Variants in XKR6 observed in about 807,000 individuals in gnomAD.
XKR6 encodes the protein XK-related protein 6.
In XKR6, 22 loss-of-function variants were observed where a neutral mutation model predicts 56.7. The ratio of observed to expected loss-of-function variants is 0.39; its 90% CI spans 0.28 to 0.55. The LOEUF (loss-of-function observed/expected upper bound fraction) is 0.55. Ranked by LOEUF, XKR6 falls within the 20% of genes least tolerant of loss-of-function variation. XKR6 has a pLI of 0.66. For synonymous variants in XKR6, 524 were observed against 387.8 expected (o/e 1.35, Z -4.13); for missense variants, 852 against 889.0 (o/e 0.96, Z 0.53).
intron 1 of XKR6, among the ~76,000 whole-genome samples, chr8:11,173,759 C>T (rs1486395562): frequency 6.6e-6 from 1 of 152,170 alleles, no homozygotes; most frequent in Non-Finnish European, 1.5e-5. Context: ...CTGCTCACAA[C>T]CCACCCACCA....
intron 1 of XKR6, among the ~76,000 whole-genome samples, chr8:10,958,915 G>A (rs994187311): frequency 3.9e-5 from 6 of 152,230 alleles, no homozygotes; most frequent in African/African-American, 1.4e-4. Context: ...GATGCTTTAT[G>A]GTGACAGCGG....
rs913091086 is a variant in XKR6 at position 11,030,937 on chromosome 8, T to C, written c.765-106107A>G. Among the ~76,000 whole-genome samples, 6 of 152,214 alleles carry C rather than the reference T, an allele frequency of 3.9e-5. No individual in the cohort carries two copies. In the South Asian group the frequency reaches 6.2e-4, roughly 16 times the overall value. On this transcript the variant is annotated intron_variant, in intron 1 of 2. Transcript: ENST00000416569. ...CTGCCCTATGAAGTAGGTACTCTTA[T>C]GACCATTTTAAATATTAGAAAACTG...
At chr8:11,126,309 G>A (rs899677506) in intron 1 of XKR6, among the ~76,000 whole-genome samples, 3 of 151,896 alleles carry the variant, frequency 2.0e-5, no homozygotes, top group African/African-American at 4.8e-5. Flanking sequence ...CTTGTGATCC[G>A]CCCACCTCGG....
At chr8:10,929,888 C>T (rs1359424428) in intron 1 of XKR6, among the ~76,000 whole-genome samples, 1 of 152,178 alleles carries the variant, frequency 6.6e-6, no homozygotes, top group African/African-American at 2.4e-5. Context: ...GTTCTATCTC[C>T]TTTCCTTACT....
intron 1 of XKR6, among the ~76,000 whole-genome samples, chr8:11,041,468 A>G (rs1799284706): frequency 6.6e-6 from 1 of 152,016 alleles, no homozygotes; most frequent in African/African-American, 2.4e-5. Flanking sequence ...AGGCAGGAGT[A>G]TCGCTTGAAC....
At chr8:11,031,354 T>A (rs1798989323) in intron 1 of XKR6, among the ~76,000 whole-genome samples, 1 of 152,220 alleles carries the variant, frequency 6.6e-6, no homozygotes. Flanking sequence ...TCCTTGGGGC[T>A]TATGCCAGCC....
chr8:11,151,612 G>T (rs1047432729), intron 1 of XKR6, among the ~76,000 whole-genome samples: 1 of 152,094 alleles, frequency 6.6e-6, no homozygotes. Context: ...CAGTCTGGAA[G>T]CCTGGTGGAT....
At chr8:10,990,171 G>C (rs1367779014) in intron 1 of XKR6, among the ~76,000 whole-genome samples, 1 of 152,218 alleles carries the variant, frequency 6.6e-6, no homozygotes, top group Non-Finnish European at 1.5e-5. Context: ...TGAATGAGTA[G>C]AGGTTTATAC....
intron 1 of XKR6, among the ~76,000 whole-genome samples, chr8:11,014,452 C>T (rs944782285): frequency 3.1e-4 from 47 of 152,306 alleles, no homozygotes; most frequent in Admixed American, 2.6e-4. Flanking sequence ...CCCAAGGACA[C>T]TAATTACACA....
chr8:11,136,623 G>A (rs1262501415), intron 1 of XKR6, among the ~76,000 whole-genome samples: 2 of 152,078 alleles, frequency 1.3e-5, no homozygotes, highest in African/African-American at 4.8e-5. Flanking sequence ...TCATGAGTGG[G>A]ATTAGTACCC....
chr8:10,998,327 T>A (rs1586411371), intron 1 of XKR6, among the ~76,000 whole-genome samples: 1 of 152,222 alleles, frequency 6.6e-6, no homozygotes, highest in East Asian at 1.9e-4. Flanking sequence ...TGAACCTAAT[T>A]GTTTTAACAC....
chr8:11,195,336 T>C (rs890574055), intron 1 of XKR6: 5 of 594,356 alleles, frequency 8.4e-6, no homozygotes, highest in Non-Finnish European at 1.5e-5. Flanking sequence ...CATTTTTTTT[T>C]CCAAATGGAT....
At chr8:10,954,093 T>C (rs780903024) in intron 1 of XKR6, among the ~76,000 whole-genome samples, 2 of 152,250 alleles carry the variant, frequency 1.3e-5, no homozygotes, top group Non-Finnish European at 2.9e-5. Context: ...TTTCCACTTT[T>C]TGGCTATTAT....
intron 1 of XKR6, among the ~76,000 whole-genome samples, chr8:11,013,650 C>T (rs1315681732): frequency 6.6e-6 from 1 of 152,166 alleles, no homozygotes; most frequent in East Asian, 1.9e-4. Context: ...GGGAATGTCC[C>T]CATCCATTAA....
chr8:10,924,145 T>A (rs1800804519), intron 2 of XKR6, among the ~76,000 whole-genome samples: 1 of 152,238 alleles, frequency 6.6e-6, no homozygotes. Context: ...CAGAGCTACT[T>A]AAGCTGCTTT....
intron 1 of XKR6, chr8:11,109,647 T>G (rs1388523009): frequency 2.6e-5 from 4 of 152,320 alleles, no homozygotes; most frequent in Middle Eastern, 3.4e-3. Context: ...CATTTTTTAT[T>G]CTTAGGCTCT....
intron 1 of XKR6, among the ~76,000 whole-genome samples, chr8:11,143,801 C>T (rs1035066182): frequency 4.6e-5 from 7 of 152,186 alleles, no homozygotes; most frequent in African/African-American, 1.7e-4. Context: ...TCATTCGACT[C>T]TGAGGGCTAC....
chr8:11,166,308 G>A (rs1032405130), intron 1 of XKR6, among the ~76,000 whole-genome samples: 1 of 152,048 alleles, frequency 6.6e-6, no homozygotes, highest in African/African-American at 2.4e-5. Flanking sequence ...TCACAGTGGG[G>A]GAAAAATCCC....
chr8:10,944,124 G>A (rs747358775), intron 1 of XKR6, among the ~76,000 whole-genome samples: 3 of 151,938 alleles, frequency 2.0e-5, no homozygotes, highest in African/African-American at 4.8e-5. Flanking sequence ...AGCCCACCAC[G>A]GTAACATCCA....
Sources: allele counts gnomAD v4.1 joint callset (sites outside exome capture counted in the v4.1 genomes callset), GRCh38; gene constraint gnomAD v4.1.1; transcripts MANE v1.5; gene names NCBI Gene and HGNC (gene_info 2026-07-23, HGNC 2026-07-21).